Variants in GRIK4 observed in about 807,000 individuals in gnomAD.
GRIK4 encodes glutamate receptor ionotropic, kainate 4.
In GRIK4, 40 loss-of-function variants were observed where a neutral mutation model predicts 104.9. The ratio of observed to expected loss-of-function variants is 0.38; its 90% CI spans 0.30 to 0.50. The LOEUF (loss-of-function observed/expected upper bound fraction) is 0.50, where lower values mean the gene tolerates loss of function less well. Among genes scored for constraint, GRIK4 ranks in the 20% least tolerant of loss-of-function variants. The pLI is 0.93. For synonymous variants in GRIK4, 485 were observed against 524.9 expected (o/e 0.92, Z 1.04); for missense variants, 1,047 against 1,308.1 (o/e 0.80, Z 3.08).
At chr11:120,879,019 C>T (rs971137531) in intron 11 of GRIK4, among the ~76,000 whole-genome samples, 2 of 152,186 alleles carry the variant, frequency 1.3e-5, no homozygotes, top group African/African-American at 4.8e-5. Context: ...GCACAAATCA[C>T]TTCCAATCTT....
intron 1 of GRIK4, among the ~76,000 whole-genome samples, chr11:120,597,219 G>T (rs1591724392): frequency 6.6e-6 from 1 of 152,320 alleles, no homozygotes; most frequent in Non-Finnish European, 1.5e-5. Flanking sequence ...ACCTTGCGGG[G>T]CCGCTCCCTC....
intron 1 of GRIK4, among the ~76,000 whole-genome samples, chr11:120,518,325 G>A (rs1388732979): frequency 2.0e-5 from 3 of 152,214 alleles, no homozygotes; most frequent in African/African-American, 7.2e-5. Flanking sequence ...GTGGTTATTA[G>A]TAGTTATTAT....
At chr11:120,539,352 TTAAC>T (rs1459293588) in intron 1 of GRIK4, among the ~76,000 whole-genome samples, 1 of 152,210 alleles carries the variant, frequency 6.6e-6, no homozygotes, top group Non-Finnish European at 1.5e-5. Context: ...GGGAGCATCT[TTAAC>T]TACAAATGAT....
chr11:120,711,193 G>A (rs1233744085), intron 3 of GRIK4, among the ~76,000 whole-genome samples: 1 of 152,242 alleles, frequency 6.6e-6, no homozygotes, highest in African/African-American at 2.4e-5. Context: ...GGCAGCAGTG[G>A]AGGCAGAGGG....
rs541365582 is a variant in GRIK4, at chr11:120,968,431, G to A, written c.2395+1108G>A. The stretch of plus-strand genomic sequence containing the variant: ...AGATTTACCTGTCCACGCTCTGCCC[G>A]AGGAAGACAGCTGAGGAGTAGGATG... On this transcript the variant is annotated intron_variant, in intron 19 of 20. Coordinates refer to ENST00000527524, the MANE Select transcript of GRIK4 (RefSeq NM_014619.5). 6.6e-5 allele frequency among the ~76,000 whole-genome samples: 10 copies of A among 152,266 alleles called. No homozygotes were observed. In the East Asian group the frequency reaches 7.7e-4, roughly 12 times the overall value.
At chr11:120,802,102 G>T (rs979878947) in intron 3 of GRIK4, among the ~76,000 whole-genome samples, 2 of 152,208 alleles carry the variant, frequency 1.3e-5, no homozygotes, top group Non-Finnish European at 2.9e-5. Flanking sequence ...CTGTGAGGTT[G>T]TCCTACTCTT....
At chr11:120,789,900 T>C (rs1952362621) in intron 3 of GRIK4, among the ~76,000 whole-genome samples, 1 of 152,190 alleles carries the variant, frequency 6.6e-6, no homozygotes, top group South Asian at 2.1e-4. Context: ...AGGCCTTCCC[T>C]AAAACTTGCC....
chr11:120,942,779 T>C (rs1324936282), intron 14 of GRIK4, among the ~76,000 whole-genome samples: 1 of 152,120 alleles, frequency 6.6e-6, no homozygotes, highest in African/African-American at 2.4e-5. Flanking sequence ...CTTGGCTAGG[T>C]TATGTTGCTT....
chr11:120,633,938 G>T (rs563479760), intron 1 of GRIK4, among the ~76,000 whole-genome samples: 2 of 152,344 alleles, frequency 1.3e-5, no homozygotes, highest in Non-Finnish European at 2.9e-5. Context: ...GAGCACGGGG[G>T]TGGGAGAAGG....
At chr11:120,700,803 G>C (rs531276518) in intron 3 of GRIK4, among the ~76,000 whole-genome samples, 1 of 152,206 alleles carries the variant, frequency 6.6e-6, no homozygotes, top group South Asian at 2.1e-4. Context: ...TGTTGGCCAG[G>C]CTGGTGTCGA....
intron 3 of GRIK4, among the ~76,000 whole-genome samples, chr11:120,784,573 A>C (rs1353907958): frequency 6.6e-6 from 1 of 152,162 alleles, no homozygotes; most frequent in Non-Finnish European, 1.5e-5. Context: ...AGCTTTGGCT[A>C]AAATGTAGAG....
intron 3 of GRIK4, among the ~76,000 whole-genome samples, chr11:120,731,317 A>G (rs937175680): frequency 2.0e-5 from 3 of 151,858 alleles, no homozygotes; most frequent in Non-Finnish European, 2.9e-5. Context: ...TTCAGCAACA[A>G]TTGAAATGAT....
intron 3 of GRIK4, among the ~76,000 whole-genome samples, chr11:120,707,174 A>G (rs1397127024): frequency 2.0e-5 from 3 of 152,214 alleles, no homozygotes; most frequent in Non-Finnish European, 4.4e-5. Context: ...AGACAGAGAA[A>G]GTAATGAGAC....
At chr11:120,550,013 T>TA (rs1948123786) in intron 1 of GRIK4, among the ~76,000 whole-genome samples, 1 of 152,252 alleles carries the variant, frequency 6.6e-6, no homozygotes, top group South Asian at 2.1e-4. Context: ...GAAAAGCCAT[T>TA]AAAGGAATTT....
At chr11:120,780,746 T>C (rs1952140416) in intron 3 of GRIK4, among the ~76,000 whole-genome samples, 1 of 152,178 alleles carries the variant, frequency 6.6e-6, no homozygotes, top group African/African-American at 2.4e-5. Flanking sequence ...GTTGTTTTTT[T>C]TGTTTTGTTT....
At chr11:120,943,159 A>ACAC (rs1382888508) in intron 14 of GRIK4, among the ~76,000 whole-genome samples, 1 of 49,400 alleles carries the variant, frequency 2.0e-5, no homozygotes, top group Non-Finnish European at 5.7e-5. Flanking sequence ...CACCCCCCTG[A>ACAC]CTGTTTGGTG....
intron 6 of GRIK4, among the ~76,000 whole-genome samples, chr11:120,828,797 T>G (rs1953342150): frequency 6.6e-6 from 1 of 152,192 alleles, no homozygotes; most frequent in African/African-American, 2.4e-5. Context: ...GGATGGGGAA[T>G]GATGCTGTTC....
chr11:120,666,582 T>G (rs1261133261), intron 3 of GRIK4, among the ~76,000 whole-genome samples: 1 of 152,212 alleles, frequency 6.6e-6, no homozygotes, highest in Admixed American at 6.5e-5. Flanking sequence ...CTGGTAGAAG[T>G]GTCAGACATG....
intron 1 of GRIK4, among the ~76,000 whole-genome samples, chr11:120,551,141 G>T (rs774313227): frequency 2.0e-5 from 3 of 152,140 alleles, no homozygotes; most frequent in Non-Finnish European, 4.4e-5. Context: ...GGAGGGCAGA[G>T]AACATGAGAT....
Sources: allele counts gnomAD v4.1 joint callset (sites outside exome capture counted in the v4.1 genomes callset), GRCh38; gene constraint gnomAD v4.1.1; transcripts MANE v1.5; gene names NCBI Gene and HGNC (gene_info 2026-07-23, HGNC 2026-07-21).